MYH9: variants seen among roughly 807,000 people sequenced by gnomAD.
MYH9 encodes the protein myosin heavy chain 9.
Under a neutral mutation model 241.9 loss-of-function variants are expected in MYH9, and 29 were observed. That is an observed-to-expected ratio of 0.12 (90% CI 0.09 to 0.16). The LOEUF (loss-of-function observed/expected upper bound fraction) is 0.16. Ranked by LOEUF, MYH9 falls within the 10% of genes least tolerant of loss-of-function variation. The pLI, the probability that MYH9 is intolerant of heterozygous loss-of-function variation, is 1.00. For missense variants in MYH9, 1,803 were observed against 2,595.5 expected (o/e 0.69, Z 6.63); for synonymous variants, 1,047 against 1,062.6 (o/e 0.99, Z 0.29).
Position 36,288,823 on chromosome 22 carries a change from C to T in MYH9, c.4674G>A (p.Leu1558=). 6.2e-7 allele frequency: 1 copy of T among 1,613,732 alleles called. No individual in the cohort carries two copies. ...CCTTCATGGCCTGCAGGTTGACCTC[C>T]AACCGCAGCTTGGCATCTTCGGTGG... ...LQATEDAKLR[L]EVNLQAMKAQ... The change falls in exon 33 of 41, where the codon TTG becomes TTA. Residue 1558 remains leucine, a synonymous_variant. Coordinates refer to ENST00000216181, the MANE Select transcript of MYH9 (RefSeq NM_002473.6). The surrounding 1 kb of genome is among the most constrained non-coding windows in gnomAD (Gnocchi z 4.8).
In MYH9 at chr22:36,285,517, G is replaced by A; in HGVS notation, c.5274+141C>T. 2 of 1,414,098 alleles carry A rather than the reference G, an allele frequency of 1.4e-6. No homozygotes were observed. The highest frequency in any genetic ancestry group is 2.4e-5 in the South Asian group (2 of 83,626). The allele number at this position is 1,414,098 out of a possible 1,614,324, so 87.6% of individuals were successfully genotyped here. ...CAGAAGCCAGAGGGGGACCTTTCAG[G>A]TCCAGGTGCCTGGACATTTTCCCCT... is the stretch of plus-strand genomic sequence containing the variant. On this transcript the variant is annotated intron_variant, in intron 37 of 40. Transcript: ENST00000216181. The surrounding 1 kb of genome is among the most constrained non-coding windows in gnomAD (Gnocchi z 7.0).
chr22:36,352,507 G>C (rs1195379309), intron 1 of MYH9, among the ~76,000 whole-genome samples: 1 of 152,212 alleles, frequency 6.6e-6, no homozygotes, highest in Non-Finnish European at 1.5e-5. Flanking sequence ...CCCTCAGGCT[G>C]CAGGGCCCAG....
intron 5 of MYH9, 138 bp downstream of exon 5, chr22:36,326,430 T>C (rs998608845): frequency 1.1e-6 from 1 of 872,002 alleles, no homozygotes; most frequent in African/African-American, 1.7e-5. Flanking sequence ...ACTGCCTCAA[T>C]GGAAATGGGC....
chr22:36,318,425 C>CT (rs2017194780), intron 10 of MYH9, 100 bp from the exon 11 acceptor site: 1 of 992,978 alleles, frequency 1.0e-6, no homozygotes, highest in Admixed American at 1.7e-5. Context: ...CTCTGCTTGA[C>CT]TTGGGAGCAG....
chr22:36,378,345 GAA>G (rs976157484), intron 1 of MYH9, among the ~76,000 whole-genome samples: 1 of 152,180 alleles, frequency 6.6e-6, no homozygotes, highest in African/African-American at 2.4e-5. Flanking sequence ...ATAATGCTAA[GAA>G]AGAGGCTTCT....
Position 36,306,590 on chromosome 22 carries a change from G to A in MYH9, c.1861C>T (p.Leu621=). The change falls in exon 16 of 41, where the codon CTG becomes TTG. Residue 621 remains leucine (L), a synonymous_variant. Coordinates refer to ENST00000216181, the MANE Select transcript of MYH9 (RefSeq NM_002473.6). The surrounding 1 kb of genome is among the most constrained non-coding windows in gnomAD (Gnocchi z 4.1). ...LWKDVDRIIG[L]DQVAGMSETA... is the part of the protein sequence containing the mutation. ...TCCGACATGCCGGCCACCTGGTCCAGGCCGATGATGCGGTCCACTGTGGAG... is the reference window on the plus strand; with the variant it reads ...TCCGACATGCCGGCCACCTGGTCCAAGCCGATGATGCGGTCCACTGTGGAG... 1 of 1,613,456 alleles carries A rather than the reference G, an allele frequency of 6.2e-7. No homozygotes were observed. Among genetic ancestry groups the A allele is most frequent in the Non-Finnish European group, 8.5e-7 (1 of 1,179,982 alleles).
intron 1 of MYH9, among the ~76,000 whole-genome samples, chr22:36,384,037 G>T (rs1021949710): frequency 1.3e-5 from 2 of 151,528 alleles, no homozygotes; most frequent in African/African-American, 4.9e-5. Context: ...CTGGGAGGTC[G>T]AGGCCGGTGG....
intron 24 of MYH9, 28 bp downstream of exon 24, chr22:36,298,891 C>G (rs780444649): frequency 4.3e-6 from 7 of 1,612,322 alleles, no homozygotes; most frequent in African/African-American, 2.7e-5. Context: ...AGCCCCTGCC[C>G]ATCACCTCCT....
chr22:36,286,584 T>C, intron 35 of MYH9, 134 bp downstream of exon 35: 2 of 1,270,450 alleles, frequency 1.6e-6, no homozygotes, highest in African/African-American at 1.5e-5. Context: ...GGAATCCTTA[T>C]GTAACCTGAG....
In MYH9 at chr22:36,293,341, G is replaced by A. The variant is rs774709488; in HGVS notation, c.4083C>T (p.Thr1361=). ...CAGGCCTCCAAACCTGGGCATGGAG[G>A]GTGGCGATCTGCTTCTCCAGGTTGT... is the stretch of plus-strand genomic sequence containing the variant. ...AKHNLEKQIA[T]LHAQVADMKK... Residue 1361 remains threonine, a synonymous_variant, in exon 30 of 41, where the codon ACC becomes ACT. Coordinates refer to ENST00000216181, the MANE Select transcript of MYH9 (RefSeq NM_002473.6). The surrounding 1 kb of genome is among the most constrained non-coding windows in gnomAD (Gnocchi z 5.1). The A allele has an allele frequency of 1.2e-6, 2 of 1,614,032 alleles. No homozygotes were observed. The highest frequency in any genetic ancestry group is 1.7e-6 in the Non-Finnish European group (2 of 1,180,036).
At chr22:36,364,234 G>T (rs1020379175) in intron 1 of MYH9, among the ~76,000 whole-genome samples, 12 of 152,190 alleles carry the variant, frequency 7.9e-5, no homozygotes, top group African/African-American at 2.2e-4. Context: ...GCGAATGAAT[G>T]AGAAGCCACT....
In MYH9 at chr22:36,330,298, T is replaced by C. The variant is rs1000938246; in HGVS notation, c.491-2810A>G. Reference sequence around the variant, plus strand: ...GGCAAACTGCTGGGAGGCCTCCTCATTGCATCTCTTACCGCACTGCTTAGT... The same window carrying C: ...GGCAAACTGCTGGGAGGCCTCCTCACTGCATCTCTTACCGCACTGCTTAGT... On this transcript the variant is annotated intron_variant, in intron 3 of 40. Transcript: ENST00000216181. This position sits in a 1 kb window ranked among gnomAD's most constrained non-coding sequence, Gnocchi z 4.5. 1.3e-5 allele frequency among the ~76,000 whole-genome samples: 2 copies of C among 152,354 alleles called. No homozygotes were observed. The highest frequency in any genetic ancestry group is 6.5e-5 in the Admixed American group (1 of 15,308).
At chr22:36,287,038 C>CT in intron 34 of MYH9, 192 bp from the exon 35 acceptor site, 1 of 718,646 alleles carries the variant, frequency 1.4e-6, no homozygotes, top group South Asian at 1.7e-5. Context: ...GTAATGCACA[C>CT]TTTGACAGTG....
rs2016641401 is a variant in MYH9 at position 36,289,104 on chromosome 22, T to C, written c.4538A>G (p.Lys1513Arg). The C allele has an allele frequency of 1.9e-6, 3 of 1,614,016 alleles. No individual in the cohort carries two copies. Among genetic ancestry groups the C allele is most frequent in the African/African-American group, 2.7e-5 (2 of 74,946 alleles). Reference protein sequence around the residue: ...RTEMEDLMSSKDDVGKSVHEL... With the variant: ...RTEMEDLMSSRDDVGKSVHEL... The stretch of plus-strand genomic sequence containing the variant: ...ACTCACACTCTTGCCCACATCATCC[T>C]TGGAGCTCATAAGGTCCTCCATCTC... The change falls in exon 32 of 41, where the codon AAG (lysine) becomes AGG (arginine). Residue 1513 changes from lysine (K) to arginine (R), a missense_variant. By Grantham distance (26) the Lys-to-Arg change is conservative. Around this residue, in one of 11 missense-constraint regions of MYH9, gnomAD observed 876 missense variants for 1,077.8 expected, o/e 0.81. Transcript: ENST00000216181.
chr22:36,332,876 T>C (rs2017445996), intron 3 of MYH9, among the ~76,000 whole-genome samples: 4 of 152,116 alleles, frequency 2.6e-5, no homozygotes, highest in Non-Finnish European at 4.4e-5. Flanking sequence ...TCTGGGGTTG[T>C]TGCCAAGGCA....
chr22:36,293,403 A>G lies in MYH9; in HGVS notation c.4021T>C (p.Phe1341Leu). 6.2e-7 allele frequency: 1 copy of G among 1,614,032 alleles called. No individual in the cohort carries two copies. The highest frequency in any genetic ancestry group is 8.5e-7 in the Non-Finnish European group (1 of 1,180,032). The change falls in exon 30 of 41, where the codon TTC (phenylalanine) becomes CTC (leucine). Residue 1341 changes from phenylalanine to leucine, a missense_variant. Physicochemically the swap from Phe to Leu is conservative, Grantham distance 22. Around this residue, in one of 11 missense-constraint regions of MYH9, gnomAD observed 876 missense variants for 1,077.8 expected, o/e 0.81. Transcript: ENST00000216181. The surrounding 1 kb of genome is among the most constrained non-coding windows in gnomAD (Gnocchi z 5.1). Reference protein sequence around the residue: ...LKQVEDEKNSFREQLEEEEEA... With the variant: ...LKQVEDEKNSLREQLEEEEEA... ...TCCTCCTCCTCCAGCTGCTCCCGGA[A>G]GGAATTCTTCTCGTCCTCCACCTGC...
chr22:36,382,838 AT>A (rs2018280862), intron 1 of MYH9, among the ~76,000 whole-genome samples: 1 of 151,992 alleles, frequency 6.6e-6, no homozygotes, highest in African/African-American at 2.4e-5. Context: ...AAATTACTTA[AT>A]TTTTCAGTTT....
intron 1 of MYH9, among the ~76,000 whole-genome samples, chr22:36,365,689 G>C (rs1238623794): frequency 1.3e-5 from 2 of 152,046 alleles, no homozygotes; most frequent in Admixed American, 6.6e-5. Flanking sequence ...TCAAACCCCT[G>C]ACCTCAAGTG....
At chr22:36,333,360 C>T (rs116191959) in intron 3 of MYH9, among the ~76,000 whole-genome samples, 214 of 152,292 alleles carry the variant, frequency 1.4e-3, no homozygotes, top group African/African-American at 4.9e-3. Flanking sequence ...TCCTGGAGCA[C>T]GGCTCACGCT....
Sources: allele counts gnomAD v4.1 joint callset (sites outside exome capture counted in the v4.1 genomes callset), GRCh38; gene constraint gnomAD v4.1.1; regional missense constraint gnomAD v4.1.1; non-coding constraint Gnocchi (gnomAD v3.1); transcripts MANE v1.5; gene names NCBI Gene and HGNC (gene_info 2026-07-23, HGNC 2026-07-21).